The following SVOP variants were observed in gnomAD, a reference collection of about 807,000 sequenced individuals.
The protein encoded by SVOP is synaptic vesicle 2-related protein.
Under a neutral mutation model 69.1 loss-of-function variants are expected in SVOP, and 17 were observed. The observed-to-expected ratio is 0.25, with a 90% CI of 0.17 to 0.37. The LOEUF (loss-of-function observed/expected upper bound fraction) is 0.37. SVOP is among the 10% of genes least tolerant of loss of function. The pLI is 1.00. For synonymous variants in SVOP, 238 were observed against 238.6 expected, an observed-to-expected ratio of 1.00 and a Z score of 0.02; for missense variants, 435 against 597.5, an observed-to-expected ratio of 0.73 and a Z score of 2.84.
intron 1 of SVOP, among the ~76,000 whole-genome samples, chr12:108,987,889 CT>C (rs1230977817): frequency 1.3e-5 from 2 of 151,016 alleles, no homozygotes; most frequent in Admixed American, 6.6e-5. Flanking sequence ...TGCCTTTTTA[CT>C]CTATTGATTG....
chr12:108,976,171 C>T (rs1336843449), intron 4 of SVOP, among the ~76,000 whole-genome samples: 1 of 152,156 alleles, frequency 6.6e-6, no homozygotes, highest in East Asian at 1.9e-4. Context: ...TCAAGTGCCT[C>T]ACTCAAGGTC....
chr12:108,941,007 G>A, intron 7 of SVOP, 98 bp from the exon 8 acceptor site: 1 of 1,449,472 alleles, frequency 6.9e-7, no homozygotes, highest in Non-Finnish European at 9.2e-7. Context: ...TGTGGGTAAG[G>A]GGTCATCGGA....
At chr12:108,994,981 A>G (rs139254598) in intron 1 of SVOP, among the ~76,000 whole-genome samples, 2 of 151,980 alleles carry the variant, frequency 1.3e-5, no homozygotes, top group East Asian at 3.9e-4. Context: ...ATCTCAACAA[A>G]AAATTTTTAA....
chr12:108,961,405 G>A (rs1566057895), intron 5 of SVOP, among the ~76,000 whole-genome samples: 1 of 145,250 alleles, frequency 6.9e-6, no homozygotes, highest in East Asian at 2.0e-4. Context: ...TAGACTTTTT[G>A]CTCTGTTTCA....
chr12:108,972,621 A>T, intron 4 of SVOP, 145 bp from the exon 5 acceptor site: 2 of 805,224 alleles, frequency 2.5e-6, no homozygotes, highest in Non-Finnish European at 4.0e-6. Context: ...GGCAAACACT[A>T]AGTGCTTCCC....
chr12:108,964,349 C>G lies in SVOP; in HGVS notation c.454-3302G>C, dbSNP rs562050428. On this transcript the variant is annotated intron_variant, in intron 5 of 15. Coordinates refer to ENST00000610966, the MANE Select transcript of SVOP (RefSeq NM_018711.5). ...GACTGTAACATCGGTACTGGCCATA[C>G]AGACATTTAATCCCTTTCTTTTGGC... 1.2e-4 allele frequency among the ~76,000 whole-genome samples: 18 copies of G among 152,136 alleles called. No homozygotes were observed. In the South Asian group the frequency reaches 3.3e-3, roughly 28 times the overall value.
At position 108,915,731 on chromosome 12, in the gene SVOP, T is replaced by C. The variant is rs2039709422; in HGVS notation, c.1440+52A>G. ...GTCGGCATGTAGTAACTGCTTGCCA[T>C]GCATGGGGTTTTGTCACCCCCCATC... On this transcript the variant is annotated intron_variant, in intron 15 of 15. Transcript: ENST00000610966. The C allele has an allele frequency of 2.4e-5, 37 of 1,536,714 alleles. 1 individual carries two copies. In the South Asian group the frequency reaches 4.2e-4, roughly 18 times the overall value.
At chr12:108,926,036 A>G (rs1277948458) in intron 11 of SVOP, among the ~76,000 whole-genome samples, 1 of 151,282 alleles carries the variant, frequency 6.6e-6, no homozygotes, top group Non-Finnish European at 1.5e-5. Context: ...TTCCCACCTC[A>G]GCCTCCCAAA....
rs1050719692 is a variant in SVOP, at chr12:108,978,630, A to G, written c.230T>C (p.Ile77Thr). Reference protein sequence around the residue: ...TFMVEDAVEAIGFGKFQWKLS... With the variant: ...TFMVEDAVEATGFGKFQWKLS... ...CTTCCACTGAAATTTTCCAAAGCCA[A>G]TGGCTTCCACTGCATCTTCCACCAT... Residue 77 changes from isoleucine to threonine, a missense_variant, in exon 3 of 16, where the codon ATT (isoleucine) becomes ACT (threonine). Transcript: ENST00000610966. The G allele has an allele frequency of 2.8e-6, 2 of 703,956 alleles. No individual in the cohort carries two copies. The highest frequency in any genetic ancestry group is 3.5e-5 in the African/African-American group (2 of 57,262). 43.6% of individuals were successfully genotyped at this position (703,956 alleles called of 1,614,324 possible).
At chr12:109,015,293 T>G (rs1480622391) in intron 1 of SVOP, among the ~76,000 whole-genome samples, 1 of 152,142 alleles carries the variant, frequency 6.6e-6, no homozygotes, top group African/African-American at 2.4e-5. Context: ...AGAAGATTTT[T>G]GAGCCAAGGA....
At chr12:108,948,185 A>T (rs917839605) in intron 6 of SVOP, among the ~76,000 whole-genome samples, 1 of 152,166 alleles carries the variant, frequency 6.6e-6, no homozygotes, top group Non-Finnish European at 1.5e-5. Flanking sequence ...TGCTCAGGTG[A>T]GTCCAGAAGA....
intron 15 of SVOP, among the ~76,000 whole-genome samples, chr12:108,915,154 C>G (rs1031210502): frequency 2.4e-5 from 3 of 124,902 alleles, no homozygotes; most frequent in African/African-American, 9.6e-5. Flanking sequence ...GCCTGGGTGA[C>G]AAAGCGAGAC....
intron 6 of SVOP, among the ~76,000 whole-genome samples, chr12:108,956,794 G>A (rs543620143): frequency 1.3e-5 from 2 of 152,240 alleles, no homozygotes; most frequent in East Asian, 3.9e-4. Context: ...TGTATGGCCT[G>A]GAATCCGCTG....
chr12:108,973,497 T>A (rs1053014763), intron 4 of SVOP, among the ~76,000 whole-genome samples: 3 of 152,150 alleles, frequency 2.0e-5, no homozygotes, highest in East Asian at 3.8e-4. Context: ...GCTCAAGTGA[T>A]CCTCTCACCT....
intron 8 of SVOP, among the ~76,000 whole-genome samples, chr12:108,940,413 C>A (rs943257674): frequency 2.0e-5 from 3 of 152,146 alleles, no homozygotes; most frequent in Non-Finnish European, 4.4e-5. Context: ...CTGACTTAAT[C>A]CTCTGAAATG....
rs1271798837 is a variant in SVOP, at chr12:108,908,849, G to C, written c.*3686C>G. The C allele has an allele frequency of 6.6e-6, 1 of 152,170 alleles. No homozygotes were observed. The highest frequency in any genetic ancestry group is 1.5e-5 in the Non-Finnish European group (1 of 68,064). 9.4% of individuals were successfully genotyped at this position (152,170 alleles called of 1,614,324 possible). A position where few individuals can be genotyped will look rare whatever the true frequency, so the allele number is the denominator to read the frequency against. On this transcript the variant is annotated 3_prime_UTR_variant, in exon 16 of 16. Coordinates refer to ENST00000610966, the MANE Select transcript of SVOP (RefSeq NM_018711.5). ...TTCAGGAGGCTGTGGGTATCCCTTG[G>C]TGCTCGTAGGCCCTTCCTTCCAGCC...
intron 1 of SVOP, among the ~76,000 whole-genome samples, chr12:109,014,333 T>A (rs2135633633): frequency 6.6e-6 from 1 of 152,314 alleles, no homozygotes; most frequent in African/African-American, 2.4e-5. Context: ...CTTCCTTTTT[T>A]AAGGCTGAAT....
intron 6 of SVOP, among the ~76,000 whole-genome samples, chr12:108,947,175 C>G (rs545816860): frequency 6.6e-6 from 1 of 152,216 alleles, no homozygotes; most frequent in East Asian, 1.9e-4. Flanking sequence ...CTTATAGTTC[C>G]CTTGCCCCAG....
At chr12:109,000,197 A>G (rs2040260800) in intron 1 of SVOP, among the ~76,000 whole-genome samples, 1 of 152,166 alleles carries the variant, frequency 6.6e-6, no homozygotes, top group Non-Finnish European at 1.5e-5. Flanking sequence ...ACGCAAATAA[A>G]CTAGAAAATC....
Sources: allele counts gnomAD v4.1 joint callset (sites outside exome capture counted in the v4.1 genomes callset), GRCh38; gene constraint gnomAD v4.1.1; transcripts MANE v1.5; gene names NCBI Gene and HGNC (gene_info 2026-07-23, HGNC 2026-07-21).